GABRA4: variants seen among roughly 807,000 people sequenced by gnomAD.
GABRA4 encodes gamma-aminobutyric acid type A receptor subunit alpha4.
Under a neutral mutation model 49.7 loss-of-function variants are expected in GABRA4, and 12 were observed. The observed-to-expected ratio is 0.24, with a 90% CI of 0.15 to 0.39. GABRA4 has a LOEUF of 0.39. GABRA4 is among the 10% of genes least tolerant of loss of function. The pLI, the probability that GABRA4 is intolerant of heterozygous loss-of-function variation, is 1.00. For missense variants in GABRA4, 506 were observed against 686.0 expected, an observed-to-expected ratio of 0.74 and a Z score of 2.93; for synonymous variants, 288 against 240.2, an observed-to-expected ratio of 1.20 and a Z score of -1.84.
intron 8 of GABRA4, among the ~76,000 whole-genome samples, chr4:46,930,439 G>A (rs926889005): frequency 2.0e-5 from 3 of 151,728 alleles, no homozygotes; most frequent in African/African-American, 7.3e-5. Flanking sequence ...CATAAAAAAA[G>A]AACAAGGTAT....
chr4:46,959,100 A>G (rs1166165792), intron 8 of GABRA4, among the ~76,000 whole-genome samples: 2 of 151,960 alleles, frequency 1.3e-5, no homozygotes, highest in Non-Finnish European at 1.5e-5. Flanking sequence ...TTTGCTCTTA[A>G]CATACTTTTT....
At position 46,923,263 on chromosome 4, in the gene GABRA4, A is replaced by G. The variant is rs951196296; in HGVS notation, c.*4962T>C. 1 of 152,104 alleles carries G rather than the reference A, an allele frequency of 6.6e-6. No individual in the cohort carries two copies. Among genetic ancestry groups the G allele is most frequent in the African/African-American group, 2.4e-5 (1 of 41,438 alleles). The allele number at this position is 152,104 out of a possible 1,614,324, so 9.4% of individuals were successfully genotyped here. A position where few individuals can be genotyped will look rare whatever the true frequency, so the allele number is the denominator to read the frequency against. The stretch of plus-strand genomic sequence containing the variant: ...GGGATAAAAAGCTCTGACTCTCTAA[A>G]TCTCTTGCTTTAAAGAAGCACCATC... On this transcript the variant is annotated 3_prime_UTR_variant, in exon 9 of 9. Transcript: ENST00000264318.
intron 2 of GABRA4, among the ~76,000 whole-genome samples, chr4:46,980,486 T>C (rs536178967): frequency 6.6e-6 from 1 of 152,012 alleles, no homozygotes; most frequent in Non-Finnish European, 1.5e-5. Context: ...TGAAGATTGA[T>C]CCACACAAAG....
chr4:46,951,330 A>G (rs7680308), intron 8 of GABRA4, among the ~76,000 whole-genome samples: 77,876 of 150,122 alleles, frequency 0.52, 20,447 homozygotes, highest in East Asian at 0.66. Context: ...ATATTTTACA[A>G]AGACTACATT....
At chr4:46,950,716 A>AAAATAACTAAATAAAT (rs1553903638) in intron 8 of GABRA4, among the ~76,000 whole-genome samples, 2 of 140,278 alleles carry the variant, frequency 1.4e-5, no homozygotes, top group Admixed American at 1.4e-4. Context: ...ATTCTCTAAG[A>AAAATAACTAAATAAAT]AAATAAATAA....
At chr4:46,976,020 T>C (rs1723129023) in intron 5 of GABRA4, among the ~76,000 whole-genome samples, 2 of 151,872 alleles carry the variant, frequency 1.3e-5, no homozygotes, top group Non-Finnish European at 2.9e-5. Context: ...TCACAATCAG[T>C]GCGACTAAGA....
intron 6 of GABRA4, among the ~76,000 whole-genome samples, chr4:46,972,390 T>C (rs201970288): frequency 1.3e-5 from 2 of 151,792 alleles, no homozygotes; most frequent in East Asian, 1.9e-4. Flanking sequence ...ATTTTATTTA[T>C]CCATAATAAA....
intron 7 of GABRA4, 137 bp from the exon 8 acceptor site, chr4:46,965,366 T>C: frequency 1.6e-6 from 1 of 639,770 alleles, no homozygotes. Flanking sequence ...AAAACCATCT[T>C]TGATGGAGAA....
intron 8 of GABRA4, among the ~76,000 whole-genome samples, chr4:46,934,027 C>G (rs1445204642): frequency 3.9e-5 from 6 of 152,086 alleles, no homozygotes; most frequent in Non-Finnish European, 8.8e-5. Flanking sequence ...AAACTCATCT[C>G]AACTTATGAC....
At chr4:46,933,785 G>A (rs571279685) in intron 8 of GABRA4, among the ~76,000 whole-genome samples, 4 of 152,186 alleles carry the variant, frequency 2.6e-5, no homozygotes, top group African/African-American at 4.8e-5. Context: ...CAGTGGTTTC[G>A]AACAAGAAAA....
At chr4:46,943,890 C>T (rs1473536183) in intron 8 of GABRA4, among the ~76,000 whole-genome samples, 1 of 152,002 alleles carries the variant, frequency 6.6e-6, no homozygotes, top group Non-Finnish European at 1.5e-5. Context: ...CAAGTCAGGG[C>T]TTTTAGGGTA....
intron 8 of GABRA4, among the ~76,000 whole-genome samples, chr4:46,954,208 A>G (rs1200790395): frequency 2.0e-5 from 3 of 152,110 alleles, no homozygotes; most frequent in African/African-American, 7.2e-5. Context: ...GTGACCCCAC[A>G]AAGAGCCATC....
chr4:46,972,626 C>A (rs988951717), intron 6 of GABRA4, among the ~76,000 whole-genome samples: 5 of 151,526 alleles, frequency 3.3e-5, no homozygotes, highest in Non-Finnish European at 5.9e-5. Flanking sequence ...GAGACCTATT[C>A]TCTCAGCAAA....
rs1375904280 is a variant in GABRA4, at chr4:46,920,862, T to C, written c.*7363A>G. The C allele has an allele frequency of 1.3e-5, 2 of 151,916 alleles. No homozygotes were observed. The allele number at this position is 151,916 out of a possible 1,614,324, so 9.4% of individuals were successfully genotyped here. A position where few individuals can be genotyped will look rare whatever the true frequency, so the allele number is the denominator to read the frequency against. ...TCTTAGTGTTAATATAGAATATATT[T>C]AATTTATCCTTTACTACTTGTGTAA... On this transcript the variant is annotated 3_prime_UTR_variant, in exon 9 of 9. Coordinates refer to ENST00000264318, the MANE Select transcript of GABRA4 (RefSeq NM_000809.4).
intron 2 of GABRA4, among the ~76,000 whole-genome samples, chr4:46,987,885 T>C (rs1165667890): frequency 1.3e-5 from 2 of 152,090 alleles, no homozygotes; most frequent in African/African-American, 4.8e-5. Context: ...TCCAATTGCT[T>C]CCAGGTTCAC....
chr4:46,978,687 C>CAAAAAAAAAAA (rs71193889), intron 3 of GABRA4, among the ~76,000 whole-genome samples: 24 of 21,606 alleles, frequency 1.1e-3, no homozygotes, highest in East Asian at 4.3e-3. Flanking sequence ...AACTTCATCT[C>CAAAAAAAAAAA]AAAAAAAAAA....
intron 8 of GABRA4, among the ~76,000 whole-genome samples, chr4:46,944,111 C>T (rs184397132): frequency 1.6e-4 from 25 of 151,988 alleles, no homozygotes; most frequent in Admixed American, 3.9e-4. Context: ...TAAATTTGCA[C>T]GAAAGTAAAC....
intron 8 of GABRA4, among the ~76,000 whole-genome samples, chr4:46,960,598 A>T (rs528037425): frequency 5.3e-5 from 8 of 151,730 alleles, no homozygotes; most frequent in Non-Finnish European, 8.8e-5. Flanking sequence ...CAAAAATCCC[A>T]TTTGAAAATA....
chr4:46,969,782 A>C (rs900717368), intron 7 of GABRA4, among the ~76,000 whole-genome samples: 1 of 151,422 alleles, frequency 6.6e-6, no homozygotes, highest in African/African-American at 2.4e-5. Context: ...ACTTGCTGAC[A>C]CCTACAGCTT....
Sources: gnomAD v4.1 joint callset for allele counts (sites outside exome capture counted in the v4.1 genomes callset) on GRCh38, gnomAD v4.1.1 for gene constraint, MANE v1.5 for transcripts, NCBI Gene and HGNC (gene_info 2026-07-23, HGNC 2026-07-21) for gene names.